Variants in TGFBR3 observed in about 807,000 individuals in gnomAD.
TGFBR3 encodes the protein transforming growth factor beta receptor 3, also known as transforming growth factor beta receptor type 3.
TGFBR3 carries 46 observed loss-of-function variants against 87.9 expected under a neutral mutation model. That is an observed-to-expected ratio of 0.52 (90% confidence interval 0.41 to 0.67). TGFBR3 has a LOEUF of 0.67. TGFBR3 is among the 30% of genes least tolerant of loss of function. The pLI is 0.00. For missense variants in TGFBR3, 866 were observed against 1,041.9 expected, an observed-to-expected ratio of 0.83 and a Z score of 2.32; for synonymous variants, 381 against 391.6, an observed-to-expected ratio of 0.97 and a Z score of 0.32.
At chr1:91,734,336 C>G (rs1344611421) in intron 5 of TGFBR3, among the ~76,000 whole-genome samples, 1 of 152,162 alleles carries the variant, frequency 6.6e-6, no homozygotes, top group South Asian at 2.1e-4. Context: ...TATGTCTCAG[C>G]ACCACAAACT....
At chr1:91,701,993 G>A (rs1199494508) in intron 14 of TGFBR3, among the ~76,000 whole-genome samples, 3 of 152,170 alleles carry the variant, frequency 2.0e-5, no homozygotes, top group Non-Finnish European at 4.4e-5. Context: ...CGTGGTGGGT[G>A]ATTTTTATTC....
At chr1:91,815,445 T>C (rs1035393891) in intron 2 of TGFBR3, among the ~76,000 whole-genome samples, 1 of 152,086 alleles carries the variant, frequency 6.6e-6, no homozygotes, top group African/African-American at 2.4e-5. Context: ...TATAAAAATA[T>C]AAAGATAACA....
At chr1:91,716,768 T>A in intron 10 of TGFBR3, 60 bp from the exon 11 acceptor site, 1 of 1,595,246 alleles carries the variant, frequency 6.3e-7, no homozygotes, top group Non-Finnish European at 8.6e-7. Flanking sequence ...TGTGTTTGGT[T>A]CTGCCTCACA....
Position 91,866,509 on chromosome 1 carries a change from C to T in TGFBR3, c.-113-4865G>A, listed in dbSNP as rs80051944. 7.8e-3 allele frequency among the ~76,000 whole-genome samples: 1,184 copies of T among 152,244 alleles called. 6 individuals are homozygous for T. Among genetic ancestry groups the T allele is most frequent in the Non-Finnish European group, 0.01 (700 of 68,004 alleles). Reference sequence around the variant, plus strand: ...CAGGGATATAGCAATGAAAAAAAGACGCCAAAAATCCTGCCCTCAGGGAGC... The same window carrying T: ...CAGGGATATAGCAATGAAAAAAAGATGCCAAAAATCCTGCCCTCAGGGAGC... On this transcript the variant is annotated intron_variant, in intron 1 of 16. Coordinates refer to ENST00000212355, the MANE Select transcript of TGFBR3 (RefSeq NM_003243.5).
chr1:91,684,178 C>A (rs1229530159), intron 16 of TGFBR3, among the ~76,000 whole-genome samples: 1 of 152,204 alleles, frequency 6.6e-6, no homozygotes, highest in Non-Finnish European at 1.5e-5. Flanking sequence ...ATCACCACCA[C>A]TTGGTCTGTG....
chr1:91,778,064 G>A (rs1457117381), intron 3 of TGFBR3, among the ~76,000 whole-genome samples: 1 of 152,054 alleles, frequency 6.6e-6, no homozygotes, highest in East Asian at 1.9e-4. Flanking sequence ...ACTGTGCAAG[G>A]CAGTAAGATA....
At position 91,704,337 on chromosome 1, in the gene TGFBR3, A is replaced by AG. The variant is rs1557666183; in HGVS notation, c.2287+4325_2287+4326insC. On this transcript the variant is annotated intron_variant, in intron 14 of 16. Coordinates refer to ENST00000212355, the MANE Select transcript of TGFBR3 (RefSeq NM_003243.5). Reference sequence around the variant, plus strand: ...AGTGAGACTTTGTCTCAAAAAAAAAAAAAAAAGAAAGAAAGAAAGAAAGAA... The same window carrying AG: ...AGTGAGACTTTGTCTCAAAAAAAAAAGAAAAAAGAAAGAAAGAAAGAAAGAA... 6.6e-5 allele frequency among the ~76,000 whole-genome samples: 10 copies of AG among 151,554 alleles called. 1 individual carries two copies. The highest frequency in any genetic ancestry group is 1.9e-4 in the African/African-American group (8 of 41,260).
chr1:91,744,166 T>C (rs1673251815), intron 4 of TGFBR3, among the ~76,000 whole-genome samples: 1 of 151,184 alleles, frequency 6.6e-6, no homozygotes, highest in African/African-American at 2.4e-5. Context: ...CTCACTGCAG[T>C]CTCTGCCTCC....
intron 2 of TGFBR3, among the ~76,000 whole-genome samples, chr1:91,842,943 C>T (rs1677345393): frequency 6.6e-6 from 1 of 152,192 alleles, no homozygotes; most frequent in African/African-American, 2.4e-5. Context: ...TCCACACCCT[C>T]TCCCAACTCC....
chr1:91,693,887 T>C (rs1348970900), intron 16 of TGFBR3, among the ~76,000 whole-genome samples: 1 of 152,232 alleles, frequency 6.6e-6, no homozygotes, highest in Non-Finnish European at 1.5e-5. Context: ...TTACTTACTT[T>C]AAAATGCTGC....
At position 91,683,860 on chromosome 1, in the gene TGFBR3, G is replaced by A; in HGVS notation, c.2438-3C>T. 1.3e-6 allele frequency: 2 copies of A among 1,594,682 alleles called. No homozygotes were observed. The highest frequency in any genetic ancestry group is 4.5e-5 in the East Asian group (2 of 44,222). ...TTGCTGCCTTCCTGCTGTCTCCCCT[G>A]CAGTTAATAAAGAAAAGGCAGAGTC... On this transcript the variant is annotated splice_region_variant and splice_polypyrimidine_tract_variant and intron_variant, in intron 16 of 16. Coordinates refer to ENST00000212355, the MANE Select transcript of TGFBR3 (RefSeq NM_003243.5).
At chr1:91,797,240 T>G (rs756764651) in intron 3 of TGFBR3, 47 bp downstream of exon 3, 1 of 1,599,434 alleles carries the variant, frequency 6.3e-7, no homozygotes, top group East Asian at 2.2e-5. Context: ...GAAAATCATC[T>G]CTGCAGACTC....
rs1414321299 is a variant in TGFBR3, at chr1:91,720,135, T to C, written c.1171A>G (p.Ile391Val). 6.2e-7 allele frequency: 1 copy of C among 1,614,048 alleles called. No homozygotes were observed. Among genetic ancestry groups the C allele is most frequent in the Non-Finnish European group, 8.5e-7 (1 of 1,180,000 alleles). Reference protein sequence around the residue: ...GALPALQNPPIRGGEGQNGGL... With the variant: ...GALPALQNPPVRGGEGQNGGL... ...CCATTTTGGCCTTCCCCTCCCCGGA[T>C]GGGCGGGTTCTGCAGGGCAGGCAGG... The change falls in exon 9 of 17, where the codon ATC (isoleucine) becomes GTC (valine). Residue 391 changes from isoleucine (I) to valine (V), a missense_variant. Physicochemically the swap from Ile to Val is conservative, Grantham distance 29. Coordinates refer to ENST00000212355, the MANE Select transcript of TGFBR3 (RefSeq NM_003243.5).
chr1:91,765,682 C>A (rs59197518), intron 3 of TGFBR3, among the ~76,000 whole-genome samples: 290 of 152,272 alleles, frequency 1.9e-3, no homozygotes, highest in African/African-American at 6.9e-3. Flanking sequence ...AATAAAAACA[C>A]ATAAAATGTA....
chr1:91,726,784 A>G (rs1672562933), intron 7 of TGFBR3, among the ~76,000 whole-genome samples: 1 of 105,140 alleles, frequency 9.5e-6, no homozygotes. Context: ...TAAAAGAGAG[A>G]TTGGCCAAAA....
chr1:91,856,075 T>G (rs931096050), intron 2 of TGFBR3, among the ~76,000 whole-genome samples: 9 of 151,942 alleles, frequency 5.9e-5, no homozygotes, highest in Non-Finnish European at 2.9e-5. Context: ...GAGTTTTTTG[T>G]TTTTTGAGAC....
At chr1:91,737,220 T>C (rs930338601) in intron 4 of TGFBR3, among the ~76,000 whole-genome samples, 9 of 151,980 alleles carry the variant, frequency 5.9e-5, no homozygotes, top group African/African-American at 2.2e-4. Flanking sequence ...AAAGCTGCAG[T>C]GAGGTGTCCC....
chr1:91,786,539 C>T (rs1299090942), intron 3 of TGFBR3, among the ~76,000 whole-genome samples: 1 of 151,862 alleles, frequency 6.6e-6, no homozygotes, highest in East Asian at 1.9e-4. Context: ...TCACTTGAGG[C>T]CAGGAGTTCA....
chr1:91,713,093 C>T (rs911762842), intron 12 of TGFBR3, among the ~76,000 whole-genome samples: 2 of 152,194 alleles, frequency 1.3e-5, no homozygotes, highest in African/African-American at 4.8e-5. Flanking sequence ...CTGGCTCCGG[C>T]GCTGGGTGTC....
Sources: gnomAD v4.1 joint callset for allele counts (sites outside exome capture counted in the v4.1 genomes callset) on GRCh38, gnomAD v4.1.1 for gene constraint, MANE v1.5 for transcripts, NCBI Gene and HGNC (gene_info 2026-07-23, HGNC 2026-07-21) for gene names.